The following CTNNA3 variants were observed in gnomAD, a reference collection of about 807,000 sequenced individuals.
CTNNA3 encodes catenin alpha-3.
A neutral mutation model predicts 95.7 loss-of-function variants in CTNNA3; 76 were observed. The observed-to-expected ratio is 0.79, with a 90% CI of 0.66 to 0.96. CTNNA3 has a LOEUF of 0.96. Among genes scored for constraint, CTNNA3 ranks in the 40% least tolerant of loss-of-function variants. The probability of loss-of-function intolerance (pLI) is 0.00; values close to 1 mark genes in which losing one functional copy is unlikely to be tolerated. For missense variants in CTNNA3, 1,191 were observed against 1,089.8 expected, an observed-to-expected ratio of 1.09 and a Z score of -1.31; for synonymous variants, 431 against 374.4, an observed-to-expected ratio of 1.15 and a Z score of -1.74.
chr10:66,138,368 A>G (rs1334910732), intron 13 of CTNNA3, among the ~76,000 whole-genome samples: 1 of 152,182 alleles, frequency 6.6e-6, no homozygotes, highest in Non-Finnish European at 1.5e-5. Context: ...AATACTGACT[A>G]TCTTTGGGCA....
chr10:66,437,611 T>C (rs1427115986), intron 11 of CTNNA3, among the ~76,000 whole-genome samples: 2 of 152,096 alleles, frequency 1.3e-5, no homozygotes, highest in Non-Finnish European at 2.9e-5. Flanking sequence ...GAATCTTTTA[T>C]CAAGGTTCTT....
chr10:66,364,509 T>A (rs1256952348), intron 12 of CTNNA3, among the ~76,000 whole-genome samples: 1 of 152,094 alleles, frequency 6.6e-6, no homozygotes, highest in African/African-American at 2.4e-5. Context: ...TTTTGGACAT[T>A]TTTTCTTTGG....
chr10:66,851,383 C>T (rs1032354813), intron 7 of CTNNA3, among the ~76,000 whole-genome samples: 1 of 152,010 alleles, frequency 6.6e-6, no homozygotes, highest in East Asian at 1.9e-4. Context: ...ACCTGAAAAA[C>T]GCTGTTTTTT....
At chr10:67,231,045 T>C (rs925431975) in intron 5 of CTNNA3, among the ~76,000 whole-genome samples, 2 of 151,790 alleles carry the variant, frequency 1.3e-5, no homozygotes, top group African/African-American at 4.8e-5. Context: ...GTCTCGCTGA[T>C]TGCTAGCACA....
chr10:66,670,988 C>T lies in CTNNA3; in HGVS notation c.1282-49204G>A, dbSNP rs570178343. ...CTATTAGAAGTTTCCATTAAGAATGCTTTTGTTTGAGTTGTTTTGTGTTTT... is the reference window on the plus strand; with the variant it reads ...CTATTAGAAGTTTCCATTAAGAATGTTTTTGTTTGAGTTGTTTTGTGTTTT... On this transcript the variant is annotated intron_variant, in intron 9 of 17. Transcript: ENST00000433211. 1.6e-3 allele frequency among the ~76,000 whole-genome samples: 250 copies of T among 152,252 alleles called. 1 individual carries two copies. Among genetic ancestry groups the T allele is most frequent in the African/African-American group, 5.9e-3 (244 of 41,556 alleles).
intron 13 of CTNNA3, among the ~76,000 whole-genome samples, chr10:66,244,328 C>A (rs146649760): frequency 6.6e-6 from 1 of 152,206 alleles, no homozygotes; most frequent in South Asian, 2.1e-4. Flanking sequence ...ACTTTCCACC[C>A]GGAAGGGAAG....
At chr10:67,295,564 A>G (rs2132480480) in intron 5 of CTNNA3, among the ~76,000 whole-genome samples, 1 of 152,304 alleles carries the variant, frequency 6.6e-6, no homozygotes, top group Admixed American at 6.5e-5. Flanking sequence ...TATAGGCCAT[A>G]ATGCAGCTAT....
At chr10:66,362,063 T>C (rs546935260) in intron 12 of CTNNA3, among the ~76,000 whole-genome samples, 7 of 151,864 alleles carry the variant, frequency 4.6e-5, no homozygotes, top group Non-Finnish European at 8.8e-5. Context: ...AACAGTGATA[T>C]TTTCCAGCAA....
At chr10:66,937,728 G>T (rs931817744) in intron 7 of CTNNA3, among the ~76,000 whole-genome samples, 4 of 152,064 alleles carry the variant, frequency 2.6e-5, no homozygotes, top group African/African-American at 9.7e-5. Flanking sequence ...TCTCAAAGTA[G>T]CCCATGCTTC....
At chr10:66,940,958 G>A (rs1847964487) in intron 7 of CTNNA3, among the ~76,000 whole-genome samples, 1 of 152,138 alleles carries the variant, frequency 6.6e-6, no homozygotes. Context: ...GTAAAAAAAT[G>A]CAACTGAGTT....
chr10:66,320,624 C>T (rs1043202012), intron 12 of CTNNA3, among the ~76,000 whole-genome samples: 3 of 152,112 alleles, frequency 2.0e-5, no homozygotes, highest in African/African-American at 7.2e-5. Flanking sequence ...TCTTGGTTCT[C>T]TCATTCCTAA....
chr10:67,740,833 C>A (rs1309829077), intron 1 of CTNNA3, among the ~76,000 whole-genome samples: 1 of 151,422 alleles, frequency 6.6e-6, no homozygotes, highest in African/African-American at 2.4e-5. Context: ...GACTATAAAT[C>A]ATGCTGCTAT....
chr10:67,114,410 T>A (rs1859066579), intron 7 of CTNNA3, among the ~76,000 whole-genome samples: 1 of 152,074 alleles, frequency 6.6e-6, no homozygotes. Flanking sequence ...AATTTACAAA[T>A]CTAAGCAATA....
chr10:66,368,256 T>A (rs2092728003), intron 12 of CTNNA3, among the ~76,000 whole-genome samples: 1 of 152,062 alleles, frequency 6.6e-6, no homozygotes, highest in Admixed American at 6.6e-5. Flanking sequence ...CTTCATTGCC[T>A]TGCAGAACTC....
intron 9 of CTNNA3, among the ~76,000 whole-genome samples, chr10:66,625,105 A>G (rs746339636): frequency 3.9e-5 from 6 of 152,214 alleles, no homozygotes; most frequent in Admixed American, 6.5e-5. Flanking sequence ...GTAATAATTT[A>G]AAAACAAACA....
intron 13 of CTNNA3, among the ~76,000 whole-genome samples, chr10:66,203,072 CA>C (rs2087536802): frequency 6.6e-6 from 1 of 152,126 alleles, no homozygotes; most frequent in Admixed American, 6.5e-5. Context: ...AAATTACAAA[CA>C]AAACTTTAGT....
At position 66,069,398 on chromosome 10, in the gene CTNNA3, T is replaced by C. The variant is rs1271816832; in HGVS notation, c.2069A>G (p.Glu690Gly). The stretch of plus-strand genomic sequence containing the variant: ...GCTTGTATCATCCCATATCTCAATC[T>C]CAGCATCCAGCTTACTCTTTACTTT... The part of the protein sequence containing the change: ...FKKVKSKLDA[E>G]IEIWDDTSND... Residue 690 changes from glutamate (E) to glycine (G), a missense_variant, in exon 15 of 18, where the codon GAG becomes GGG. Glu to Gly is a moderately conservative substitution (Grantham distance 98). Coordinates refer to ENST00000433211, the MANE Select transcript of CTNNA3 (RefSeq NM_013266.4). The C allele has an allele frequency of 6.2e-7, 1 of 1,613,640 alleles. No individual in the cohort carries two copies. The highest frequency in any genetic ancestry group is 1.7e-5 in the Admixed American group (1 of 59,968).
rs186711235 is a variant in CTNNA3, at chr10:66,467,281, A to C, written c.1531+53336T>G. On this transcript the variant is annotated intron_variant, in intron 11 of 17. Transcript: ENST00000433211. ...CTCATCACAGCACTTAAAACACAAG[A>C]GAGTAGGTCCTCCATGAAGAATTAA... Among the ~76,000 whole-genome samples, 25 of 152,204 alleles carry C rather than the reference A, an allele frequency of 1.6e-4. No homozygotes were observed. The East Asian group carries it at 4.6e-3, about 28-fold the overall frequency.
At chr10:66,086,938 T>G (rs1377617299) in intron 14 of CTNNA3, among the ~76,000 whole-genome samples, 4 of 152,094 alleles carry the variant, frequency 2.6e-5, no homozygotes, top group Non-Finnish European at 5.9e-5. Context: ...ATTTCTTTTC[T>G]AATAAAAAGC....
Sources: gnomAD v4.1 joint callset for allele counts (sites outside exome capture counted in the v4.1 genomes callset) on GRCh38, gnomAD v4.1.1 for gene constraint, MANE v1.5 for transcripts, NCBI Gene and HGNC (gene_info 2026-07-23, HGNC 2026-07-21) for gene names.